BRCA2: variants seen among roughly 807,000 people sequenced by gnomAD.
BRCA2 encodes the protein breast cancer type 2 susceptibility protein.
Under a neutral mutation model 276.7 loss-of-function variants are expected in BRCA2, and 203 were observed. The ratio of observed to expected loss-of-function variants is 0.73; its 90% CI spans 0.65 to 0.82. The LOEUF (loss-of-function observed/expected upper bound fraction) is 0.82. Ranked by LOEUF, BRCA2 falls within the 40% of genes least tolerant of loss-of-function variation. BRCA2 has a pLI of 0.00. For synonymous variants in BRCA2, 1,289 were observed against 1,338.4 expected (o/e 0.96, Z 0.81); for missense variants, 3,920 against 3,915.0 (o/e 1.00, Z -0.03).
intron 24 of BRCA2, among the ~76,000 whole-genome samples, chr13:32,380,560 A>G (rs1371284221): frequency 2.8e-5 from 3 of 107,832 alleles, no homozygotes; most frequent in Admixed American, 1.2e-4. Context: ...TTTTTCCCCG[A>G]GATGGAGTCT....
intron 3 of BRCA2, among the ~76,000 whole-genome samples, chr13:32,321,085 A>G (rs973154743): frequency 6.6e-5 from 10 of 152,224 alleles, no homozygotes; most frequent in Admixed American, 2.0e-4. Flanking sequence ...AATAACAGTG[A>G]AAGTAAATAT....
intron 25 of BRCA2, among the ~76,000 whole-genome samples, chr13:32,395,270 A>G (rs991124489): frequency 1.3e-5 from 2 of 152,238 alleles, no homozygotes; most frequent in African/African-American, 2.4e-5. Flanking sequence ...AGTTAATAAT[A>G]TAGAGACTAC....
At chr13:32,317,043 C>A (rs2072267966) in intron 2 of BRCA2, among the ~76,000 whole-genome samples, 1 of 152,140 alleles carries the variant, frequency 6.6e-6, no homozygotes, top group East Asian at 1.9e-4. Flanking sequence ...ACTAAAAATA[C>A]AAAAAATGTG....
intron 24 of BRCA2, among the ~76,000 whole-genome samples, chr13:32,386,743 A>G (rs2072963604): frequency 6.6e-6 from 1 of 152,130 alleles, no homozygotes; most frequent in Non-Finnish European, 1.5e-5. Flanking sequence ...AGGGCTGGAT[A>G]TTTGAGTTTC....
rs553050134 is a variant in BRCA2, at chr13:32,381,034, G to A, written c.9256+889G>A. 1.6e-4 allele frequency among the ~76,000 whole-genome samples: 24 copies of A among 152,042 alleles called. No homozygotes were observed. The East Asian group carries it at 2.1e-3, about 13-fold the overall frequency. ...TTGGTGAGTTATGTTTTAGTGCTTC[G>A]TAGGTTTTTCTTTGACTATATTATA... On this transcript the variant is annotated intron_variant, in intron 24 of 26. Transcript: ENST00000380152.
At chr13:32,375,882 G>A (rs902192008) in intron 20 of BRCA2, among the ~76,000 whole-genome samples, 9 of 152,104 alleles carry the variant, frequency 5.9e-5, no homozygotes, top group African/African-American at 1.7e-4. Flanking sequence ...TAAATAATAA[G>A]ACTTGAAAGT....
intron 16 of BRCA2, among the ~76,000 whole-genome samples, chr13:32,358,253 A>C (rs953626333): frequency 2.6e-5 from 4 of 151,978 alleles, no homozygotes; most frequent in African/African-American, 9.7e-5. Flanking sequence ...AGGCGGGTAG[A>C]TCACCTGAGG....
At chr13:32,393,707 C>T (rs2073013614) in intron 24 of BRCA2, among the ~76,000 whole-genome samples, 1 of 152,152 alleles carries the variant, frequency 6.6e-6, no homozygotes, top group Non-Finnish European at 1.5e-5. Flanking sequence ...CATTACTTTA[C>T]TGTGGAGGCA....
intron 7 of BRCA2, among the ~76,000 whole-genome samples, chr13:32,327,913 G>A (rs2072361936): frequency 6.6e-6 from 1 of 151,722 alleles, no homozygotes; most frequent in Non-Finnish European, 1.5e-5. Flanking sequence ...TGGGACTACA[G>A]GTACCATGCC....
chr13:32,357,906 G>T lies in BRCA2; in HGVS notation c.7782G>T (p.Lys2594Asn). The change falls in exon 16 of 27, where the codon AAG (lysine) becomes AAT (asparagine). Residue 2594 changes from lysine to asparagine, a missense_variant. Lys to Asn is a moderately conservative substitution (Grantham distance 94, BLOSUM62 0). Coordinates refer to ENST00000380152, the MANE Select transcript of BRCA2 (RefSeq NM_000059.4). ...GGWLIPSNDG[K>N]AGKEEFYRAL... ...GGCTCATACCCTCCAATGATGGAAA[G>T]GCTGGAAAAGAAGAATTTTATAGGT... 6.2e-7 allele frequency: 1 copy of T among 1,614,056 alleles called. No individual in the cohort carries two copies. Among genetic ancestry groups the T allele is most frequent in the Admixed American group, 1.7e-5 (1 of 60,020 alleles).
chr13:32,342,761 T>C (rs1041939871), intron 11 of BRCA2, among the ~76,000 whole-genome samples: 1 of 152,166 alleles, frequency 6.6e-6, no homozygotes, highest in Non-Finnish European at 1.5e-5. Context: ...TAAAATCTTA[T>C]GGGGCTGGGC....
At chr13:32,344,691 A>G (rs747411005) in intron 12 of BRCA2, 38 bp downstream of exon 12, 7 of 1,373,678 alleles carry the variant, frequency 5.1e-6, no homozygotes, top group Non-Finnish European at 7.3e-6. Context: ...TTCTCCCTCT[A>G]TAGGTATGGT....
rs139071723 is a variant in BRCA2, at chr13:32,329,935, C to T, written c.681+443C>T. 3.6e-3 allele frequency among the ~76,000 whole-genome samples: 541 copies of T among 151,966 alleles called. 2 individuals are homozygous for T. Among genetic ancestry groups the T allele is most frequent in the Non-Finnish European group, 5.5e-3 (376 of 67,958 alleles). ...AAATAGGACAATTATAACAAAATAC[C>T]GTAATAAAAGTTATGTGAATGTTGT... On this transcript the variant is annotated intron_variant, in intron 8 of 26. Coordinates refer to ENST00000380152, the MANE Select transcript of BRCA2 (RefSeq NM_000059.4).
chr13:32,371,088 G>A lies in BRCA2; in HGVS notation c.8620G>A (p.Glu2874Lys), dbSNP rs397507996. The A allele has an allele frequency of 1.2e-6, 2 of 1,613,814 alleles. No individual in the cohort carries two copies. Among genetic ancestry groups the A allele is most frequent in the African/African-American group, 2.7e-5 (2 of 74,912 alleles). The change falls in exon 20 of 27, where the codon GAA (glutamate) becomes AAA (lysine). Residue 2874 changes from glutamate to lysine, a missense_variant. By Grantham distance (56) the Glu-to-Lys change is moderately conservative (BLOSUM62 1). Coordinates refer to ENST00000380152, the MANE Select transcript of BRCA2 (RefSeq NM_000059.4). ...ALFTKIQEEF[E>K]EHEENTTKPY... ...ATTCACTAAAATTCAGGAGGAATTT[G>A]AAGAACATGAAGGTAAAATTAGTTA... is the stretch of plus-strand genomic sequence containing the variant.
chr13:32,359,222 GAAAAAAAAA>G lies in BRCA2; in HGVS notation c.7805+1306_7805+1314del, dbSNP rs67041705. On this transcript the variant is annotated intron_variant, in intron 16 of 26. Coordinates refer to ENST00000380152, the MANE Select transcript of BRCA2 (RefSeq NM_000059.4). Reference sequence around the variant, plus strand: ...GGGCAACAGTGAGACTCCATCTCAAGAAAAAAAAAAAAAAAAAAAAAGAAAGTTAAATTT... The same window carrying G: ...GGGCAACAGTGAGACTCCATCTCAAGAAAAAAAAAAAAGAAAGTTAAATTT... Among the ~76,000 whole-genome samples, 281 of 107,380 alleles carry G rather than the reference GAAAAAAAAA, an allele frequency of 2.6e-3. 1 individual carries two copies. The highest frequency in any genetic ancestry group is 4.3e-3 in the Admixed American group (38 of 8,930). 70.4% of individuals were successfully genotyped at this position (107,380 alleles called of 152,430 possible).
chr13:32,333,998 A>G (rs943752683), intron 10 of BRCA2, among the ~76,000 whole-genome samples: 6 of 152,134 alleles, frequency 3.9e-5, no homozygotes, highest in Non-Finnish European at 8.8e-5. Flanking sequence ...ATAGTTCCAC[A>G]TTTTATTTAT....
At position 32,332,408 on chromosome 13, in the gene BRCA2, A is replaced by G. The variant is rs1482187392; in HGVS notation, c.930A>G (p.Leu310=). 6.3e-7 allele frequency: 1 copy of G among 1,591,096 alleles called. No individual in the cohort carries two copies. The highest frequency in any genetic ancestry group is 1.4e-5 in the African/African-American group (1 of 73,518). ...VDTSEEDSFS[L]CFSKCRTKNL... ...CCTCTGAAGAAGATAGTTTTTCATT[A>G]TGTTTTTCTAAATGTAGAACAAAAA... The change falls in exon 10 of 27, where the codon TTA becomes TTG. Residue 310 remains leucine (L), a synonymous_variant. Coordinates refer to ENST00000380152, the MANE Select transcript of BRCA2 (RefSeq NM_000059.4).
intron 24 of BRCA2, among the ~76,000 whole-genome samples, chr13:32,382,607 A>G (rs1056713318): frequency 6.6e-6 from 1 of 152,202 alleles, no homozygotes; most frequent in African/African-American, 2.4e-5. Flanking sequence ...AAGTGGGGCA[A>G]AGGAAATGGA....
chr13:32,372,933 G>A (rs1051692676), intron 20 of BRCA2, among the ~76,000 whole-genome samples: 4 of 151,904 alleles, frequency 2.6e-5, no homozygotes, highest in African/African-American at 7.3e-5. Context: ...GGGAGAAATT[G>A]GCCAAAACAA....
Sources: gnomAD v4.1 joint callset for allele counts (sites outside exome capture counted in the v4.1 genomes callset) on GRCh38, gnomAD v4.1.1 for gene constraint, MANE v1.5 for transcripts, NCBI Gene and HGNC (gene_info 2026-07-23, HGNC 2026-07-21) for gene names.